DSCAM: variants seen among roughly 807,000 people sequenced by gnomAD.
DSCAM encodes the protein DS cell adhesion molecule, also known as cell adhesion molecule DSCAM.
A neutral mutation model predicts 217.7 loss-of-function variants in DSCAM; 47 were observed. That is an observed-to-expected ratio of 0.22 (90% CI 0.17 to 0.28). The LOEUF (loss-of-function observed/expected upper bound fraction) is 0.28. DSCAM is among the 10% of genes least tolerant of loss of function. DSCAM has a pLI of 1.00. For missense variants in DSCAM, 2,080 were observed against 2,618.3 expected, an observed-to-expected ratio of 0.79 and a Z score of 4.49; for synonymous variants, 1,056 against 1,015.3, an observed-to-expected ratio of 1.04 and a Z score of -0.76.
At chr21:40,609,599 G>T (rs2089286944) in intron 3 of DSCAM, among the ~76,000 whole-genome samples, 1 of 152,176 alleles carries the variant, frequency 6.6e-6, no homozygotes, top group Non-Finnish European at 1.5e-5. Flanking sequence ...ACAAGGTAGT[G>T]ATCTTTCTAA....
chr21:40,538,872 GCAATAC>G (rs1312076603), intron 3 of DSCAM, among the ~76,000 whole-genome samples: 1 of 152,154 alleles, frequency 6.6e-6, no homozygotes, highest in Non-Finnish European at 1.5e-5. Context: ...ACAATGAAGG[GCAATAC>G]CTAGTTCTCT....
intron 11 of DSCAM, among the ~76,000 whole-genome samples, chr21:40,196,583 TTTTC>T (rs555489753): frequency 1.8e-3 from 270 of 151,398 alleles, no homozygotes; most frequent in Non-Finnish European, 3.3e-3. Flanking sequence ...CCTTCTCCTT[TTTTC>T]TTTATTTCTT....
At chr21:40,164,051 A>AT (rs2090568183) in intron 16 of DSCAM, among the ~76,000 whole-genome samples, 1 of 152,154 alleles carries the variant, frequency 6.6e-6, no homozygotes, top group Non-Finnish European at 1.5e-5. Context: ...GCCATGAGGG[A>AT]TCAGAACTGA....
At chr21:40,273,219 T>C (rs955560318) in intron 11 of DSCAM, among the ~76,000 whole-genome samples, 5 of 152,218 alleles carry the variant, frequency 3.3e-5, no homozygotes, top group Non-Finnish European at 7.3e-5. Context: ...TACAATGTGT[T>C]TTCACATGTG....
intron 3 of DSCAM, among the ~76,000 whole-genome samples, chr21:40,538,148 G>C (rs1286656750): frequency 6.6e-6 from 1 of 152,188 alleles, no homozygotes; most frequent in Non-Finnish European, 1.5e-5. Flanking sequence ...ATAATTTGGG[G>C]ATAGCCTCTC....
chr21:40,550,973 T>C (rs181242098), intron 3 of DSCAM, among the ~76,000 whole-genome samples: 12 of 152,330 alleles, frequency 7.9e-5, no homozygotes, highest in Admixed American at 2.0e-4. Context: ...ACAGTGTAGA[T>C]TACAGTCCCT....
chr21:40,637,564 TATAA>T (rs2089811468), intron 3 of DSCAM, among the ~76,000 whole-genome samples: 2 of 99,198 alleles, frequency 2.0e-5, no homozygotes, highest in Non-Finnish European at 3.8e-5. Flanking sequence ...TATATACATA[TATAA>T]ATATATATAA....
intron 11 of DSCAM, among the ~76,000 whole-genome samples, chr21:40,260,097 T>C (rs2073430055): frequency 6.6e-6 from 1 of 152,186 alleles, no homozygotes; most frequent in South Asian, 2.1e-4. Context: ...AACATACTGA[T>C]GATTAAAGTC....
intron 16 of DSCAM, among the ~76,000 whole-genome samples, chr21:40,159,511 CT>C (rs1416524643): frequency 6.6e-6 from 1 of 152,146 alleles, no homozygotes; most frequent in Non-Finnish European, 1.5e-5. Flanking sequence ...TATATGAGAA[CT>C]GATAAAACTG....
chr21:40,727,159 A>G (rs1443801723), intron 1 of DSCAM, among the ~76,000 whole-genome samples: 2 of 152,218 alleles, frequency 1.3e-5, no homozygotes, highest in East Asian at 1.9e-4. Flanking sequence ...CAGGCTCTCA[A>G]TGATGGAAAA....
Position 40,515,043 on chromosome 21 carries a change from A to T in DSCAM, c.509-145798T>A, listed in dbSNP as rs553815413. On this transcript the variant is annotated intron_variant, in intron 3 of 32. Coordinates refer to ENST00000400454, the MANE Select transcript of DSCAM (RefSeq NM_001389.5). ...TACTTAGAAACTGGCACTGCTTAAA[A>T]ATATTGGTACATCAGTAAAGGCTAC... 4.6e-5 allele frequency among the ~76,000 whole-genome samples: 7 copies of T among 152,320 alleles called. No homozygotes were observed. In the South Asian group the frequency reaches 1.5e-3, roughly 32 times the overall value.
chr21:40,080,279 G>A lies in DSCAM; in HGVS notation c.4293C>T (p.Pro1431=), dbSNP rs778337187. The A allele has an allele frequency of 5.6e-6, 9 of 1,613,540 alleles. 1 individual carries two copies. In the South Asian group the frequency reaches 6.6e-5, roughly 12 times the overall value. Residue 1431 remains proline, a synonymous_variant, in exon 25 of 33, where the codon CCC becomes CCT. Coordinates refer to ENST00000400454, the MANE Select transcript of DSCAM (RefSeq NM_001389.5). ...SEQWGSFPIS[P]SERSYRLENL... is the part of the protein sequence containing the mutation. ...TTTCCAAGCGATAGGAACGTTCGCT[G>A]GGGCTGATTGGAAAACTCCCCCACT...
intron 1 of DSCAM, among the ~76,000 whole-genome samples, chr21:40,713,162 T>C (rs116650182): frequency 0.013 from 1,926 of 152,358 alleles, 32 homozygotes; most frequent in African/African-American, 0.043. Context: ...GATATCTACC[T>C]GACAGGTCCA....
At chr21:40,573,596 A>ACTTTT (rs1339751176) in intron 3 of DSCAM, among the ~76,000 whole-genome samples, 1 of 152,214 alleles carries the variant, frequency 6.6e-6, no homozygotes, top group Non-Finnish European at 1.5e-5. Context: ...TTGTAAAACA[A>ACTTTT]AAAGTTTTAG....
At chr21:40,112,671 A>G (rs533896455) in intron 20 of DSCAM, among the ~76,000 whole-genome samples, 1 of 152,278 alleles carries the variant, frequency 6.6e-6, no homozygotes, top group East Asian at 1.9e-4. Context: ...GACCGCTAGC[A>G]AGACTAATAA....
intron 26 of DSCAM, among the ~76,000 whole-genome samples, chr21:40,076,406 T>A (rs1222574619): frequency 6.6e-6 from 1 of 152,154 alleles, no homozygotes; most frequent in Non-Finnish European, 1.5e-5. Context: ...GGTATGAATG[T>A]AGGCTGCCAA....
chr21:40,258,690 A>T (rs2073407183), intron 11 of DSCAM, among the ~76,000 whole-genome samples: 1 of 152,240 alleles, frequency 6.6e-6, no homozygotes, highest in Non-Finnish European at 1.5e-5. Context: ...ACTGGTCCAA[A>T]CAAGCATTAG....
chr21:40,427,218 G>A (rs2075483203), intron 3 of DSCAM, among the ~76,000 whole-genome samples: 1 of 152,126 alleles, frequency 6.6e-6, no homozygotes, highest in South Asian at 2.1e-4. Context: ...TCATTGGAAT[G>A]GGGCTGTCTG....
At chr21:40,706,110 G>A (rs112161320) in intron 2 of DSCAM, among the ~76,000 whole-genome samples, 20 of 151,556 alleles carry the variant, frequency 1.3e-4, no homozygotes, top group African/African-American at 4.1e-4. Context: ...AACCCGGGAG[G>A]TGGAGCTTGC....
Sources: gnomAD v4.1 joint callset for allele counts (sites outside exome capture counted in the v4.1 genomes callset) on GRCh38, gnomAD v4.1.1 for gene constraint, MANE v1.5 for transcripts, NCBI Gene and HGNC (gene_info 2026-07-23, HGNC 2026-07-21) for gene names.